The following SSBP2 variants were observed in gnomAD, a reference collection of about 807,000 sequenced individuals.
SSBP2 encodes the protein single-stranded DNA-binding protein 2.
SSBP2 carries 17 observed loss-of-function variants against 61.8 expected under a neutral mutation model. The ratio of observed to expected loss-of-function variants is 0.28; its 90% CI spans 0.19 to 0.41. The LOEUF (loss-of-function observed/expected upper bound fraction) is 0.41, where lower values mean the gene tolerates loss of function less well. SSBP2 is among the 10% of genes least tolerant of loss of function. SSBP2 has a pLI of 1.00. For missense variants in SSBP2, 310 were observed against 458.7 expected (o/e 0.68, Z 2.96); for synonymous variants, 139 against 141.3 (o/e 0.98, Z 0.12).
upstream of SSBP2, chr5:81,751,123 C>G: frequency 6.9e-7 from 1 of 1,442,374 alleles, no homozygotes; most frequent in Non-Finnish European, 9.5e-7. Context: ...GTCCCCATGG[C>G]GACCCACGCA....
rs1764509179 is a variant in SSBP2 at position 81,461,076 on chromosome 5, T to G, written c.666A>C (p.Pro222=). 6.3e-7 allele frequency: 1 copy of G among 1,581,454 alleles called. No homozygotes were observed. Among genetic ancestry groups the G allele is most frequent in the Non-Finnish European group, 8.6e-7 (1 of 1,163,298 alleles). Reference sequence around the variant, plus strand: ...TCACTGAATTGGCATTTGTTGGGTTTGGCCAAGGTCTACCACCACCTGGAC... The same window carrying G: ...TCACTGAATTGGCATTTGTTGGGTTGGGCCAAGGTCTACCACCACCTGGAC... Residue 222 remains proline, a synonymous_variant, in exon 10 of 17, where the codon CCA becomes CCC. Transcript: ENST00000320672.
At chr5:81,541,780 G>A (rs781009211) in intron 4 of SSBP2, among the ~76,000 whole-genome samples, 8 of 152,192 alleles carry the variant, frequency 5.3e-5, no homozygotes, top group Non-Finnish European at 1.2e-4. Flanking sequence ...TCAAAATAAA[G>A]TATAGGTTTC....
intron 5 of SSBP2, among the ~76,000 whole-genome samples, chr5:81,505,356 G>A (rs191165938): frequency 1.3e-5 from 2 of 152,268 alleles, no homozygotes; most frequent in Admixed American, 6.5e-5. Flanking sequence ...GTTCCTGAAC[G>A]CTACCTTGTA....
intron 3 of SSBP2, among the ~76,000 whole-genome samples, chr5:81,635,748 T>A (rs1325577815): frequency 1.3e-5 from 2 of 152,084 alleles, no homozygotes; most frequent in African/African-American, 4.8e-5. Flanking sequence ...CACGCCTGGC[T>A]AATTTTTTCT....
At chr5:81,700,669 C>G (rs1561706231) in intron 1 of SSBP2, among the ~76,000 whole-genome samples, 1 of 152,204 alleles carries the variant, frequency 6.6e-6, no homozygotes, top group African/African-American at 2.4e-5. Context: ...CATCAATGAT[C>G]TTAGATCTTC....
At chr5:81,567,285 T>A (rs1424465622) in intron 4 of SSBP2, among the ~76,000 whole-genome samples, 1 of 152,156 alleles carries the variant, frequency 6.6e-6, no homozygotes, top group African/African-American at 2.4e-5. Context: ...GGGACTTGTT[T>A]CTCTATGTCC....
rs1204411874 is a variant in SSBP2 at position 81,415,911 on chromosome 5, C to CAAAAAAAAAAAAAAAAAAA, written c.*4592_*4593insTTTTTTTTTTTTTTTTTTT. 8.5e-5 allele frequency: 2 copies of CAAAAAAAAAAAAAAAAAAA among 23,480 alleles called. No individual in the cohort carries two copies. The highest frequency in any genetic ancestry group is 7.3e-4 in the African/African-American group (1 of 1,364). The allele number at this position is 23,480 out of a possible 1,614,324, so 1.5% of individuals were successfully genotyped here. ...TGGGTGACAGAGCAAGATTCTGACT[C>CAAAAAAAAAAAAAAAAAAA]AAAAAAAAAAAAAAAAAAGAGGAAA... On this transcript the variant is annotated 3_prime_UTR_variant, in exon 17 of 17. Transcript: ENST00000320672.
At chr5:81,427,779 C>A (rs1187213779) in intron 16 of SSBP2, among the ~76,000 whole-genome samples, 1 of 152,172 alleles carries the variant, frequency 6.6e-6, no homozygotes, top group East Asian at 1.9e-4. Flanking sequence ...AGAATGTACA[C>A]CAGCATCAGC....
Position 81,549,089 on chromosome 5 carries a change from A to G in SSBP2, c.283-35372T>C, listed in dbSNP as rs187702280. Among the ~76,000 whole-genome samples the G allele has an allele frequency of 5.2e-3, 794 of 152,332 alleles. 5 individuals are homozygous for G. Among genetic ancestry groups the G allele is most frequent in the African/African-American group, 0.018 (748 of 41,576 alleles). ...TTATCAAAGGAAACCTCTAACTGAT[A>G]AGCTATTATCTGGCTTCAAGTCTTA... On this transcript the variant is annotated intron_variant, in intron 4 of 16. Transcript: ENST00000320672.
At chr5:81,483,762 TATACAC>T (rs930770651) in intron 6 of SSBP2, among the ~76,000 whole-genome samples, 28 of 150,556 alleles carry the variant, frequency 1.9e-4, no homozygotes, top group Admixed American at 9.3e-4. Flanking sequence ...GACATATATA[TATACAC>T]ACACACACAC....
intron 1 of SSBP2, among the ~76,000 whole-genome samples, chr5:81,696,324 C>T (rs906923931): frequency 6.6e-6 from 1 of 152,152 alleles, no homozygotes; most frequent in Non-Finnish European, 1.5e-5. Flanking sequence ...TTCTTTAACT[C>T]CCAGGATCCT....
At chr5:81,586,615 A>G (rs1023841625) in intron 4 of SSBP2, among the ~76,000 whole-genome samples, 5 of 139,444 alleles carry the variant, frequency 3.6e-5, no homozygotes, top group African/African-American at 1.4e-4. Context: ...TCAGAGTCTA[A>G]CTGCAGTATG....
chr5:81,470,804 T>C (rs560964470), intron 8 of SSBP2, among the ~76,000 whole-genome samples: 1 of 152,082 alleles, frequency 6.6e-6, no homozygotes, highest in Non-Finnish European at 1.5e-5. Context: ...ATGTCTGTTA[T>C]GAGAGTTGTT....
chr5:81,436,622 A>C (rs1435007305), intron 15 of SSBP2, among the ~76,000 whole-genome samples: 2 of 152,136 alleles, frequency 1.3e-5, no homozygotes, highest in Non-Finnish European at 2.9e-5. Context: ...TTAGAAATAG[A>C]ATTTCAAAAA....
At chr5:81,438,182 C>G (rs1054103538) in intron 14 of SSBP2, among the ~76,000 whole-genome samples, 3 of 151,762 alleles carry the variant, frequency 2.0e-5, no homozygotes, top group Admixed American at 1.3e-4. Flanking sequence ...GAAATCACAC[C>G]TCTACTAAAA....
intron 1 of SSBP2, among the ~76,000 whole-genome samples, chr5:81,674,232 C>T (rs921203227): frequency 6.6e-6 from 1 of 151,990 alleles, no homozygotes; most frequent in African/African-American, 2.4e-5. Context: ...ACTTTGGGAC[C>T]AAGTAAAGGA....
chr5:81,559,676 T>C (rs1772892571), intron 4 of SSBP2, among the ~76,000 whole-genome samples: 1 of 152,130 alleles, frequency 6.6e-6, no homozygotes, highest in African/African-American at 2.4e-5. Context: ...AAAAGTATCA[T>C]TTAACCACAT....
chr5:81,633,108 CTTTTTTTTTTTT>C (rs143423636), intron 3 of SSBP2, among the ~76,000 whole-genome samples: 7 of 64,830 alleles, frequency 1.1e-4, no homozygotes, highest in African/African-American at 2.9e-4. Context: ...GAGCCTCTGT[CTTTTTTTTTTTT>C]TTTTTTTTTT....
chr5:81,667,471 A>G (rs1000837055), intron 1 of SSBP2, among the ~76,000 whole-genome samples: 6 of 152,174 alleles, frequency 3.9e-5, no homozygotes, highest in Non-Finnish European at 5.9e-5. Context: ...CAGTGGGTTC[A>G]TACAGAGGCA....
Sources: allele counts gnomAD v4.1 joint callset (sites outside exome capture counted in the v4.1 genomes callset), GRCh38; gene constraint gnomAD v4.1.1; transcripts MANE v1.5; gene names NCBI Gene and HGNC (gene_info 2026-07-23, HGNC 2026-07-21).